The following RALYL variants were observed in gnomAD, a reference collection of about 807,000 sequenced individuals.
RALYL encodes the protein RNA-binding Raly-like protein.
In RALYL, 29 loss-of-function variants were observed where a neutral mutation model predicts 35.1. The ratio of observed to expected loss-of-function variants is 0.83; its 90% CI spans 0.61 to 1.13. The LOEUF is 1.13. Ranked by LOEUF, RALYL falls within the 50% of genes most tolerant of loss-of-function variation. RALYL has a pLI of 0.00. For missense variants in RALYL, 359 were observed against 360.4 expected (o/e 1.00, Z 0.03); for synonymous variants, 120 against 127.6 (o/e 0.94, Z 0.40).
intron 2 of RALYL, among the ~76,000 whole-genome samples, chr8:84,622,586 A>G (rs978335751): frequency 6.6e-6 from 1 of 152,174 alleles, no homozygotes; most frequent in Non-Finnish European, 1.5e-5. Context: ...AACGCTCCAC[A>G]GAGTCGAGGG....
intron 1 of RALYL, among the ~76,000 whole-genome samples, chr8:84,343,946 T>C (rs1283660300): frequency 6.6e-6 from 1 of 151,900 alleles, no homozygotes; most frequent in Non-Finnish European, 1.5e-5. Context: ...AGTTTAAAGA[T>C]AACTGGATAT....
chr8:84,606,916 T>A (rs539829464), intron 2 of RALYL, among the ~76,000 whole-genome samples: 1 of 152,256 alleles, frequency 6.6e-6, no homozygotes, highest in East Asian at 1.9e-4. Flanking sequence ...TCAACTGTAT[T>A]AACAACTTAA....
chr8:84,185,489 C>G (rs1415234552), intron 1 of RALYL, among the ~76,000 whole-genome samples: 3 of 152,124 alleles, frequency 2.0e-5, no homozygotes, highest in Admixed American at 6.5e-5. Flanking sequence ...CAGAGACGTA[C>G]CAGTTGGCAA....
Position 84,292,673 on chromosome 8 carries a change from C to T in RALYL, c.-24+108249C>T, listed in dbSNP as rs186160193. 4.6e-5 allele frequency among the ~76,000 whole-genome samples: 7 copies of T among 152,260 alleles called. No homozygotes were observed. In the East Asian group the frequency reaches 1.4e-3, roughly 29 times the overall value. On this transcript the variant is annotated intron_variant, in intron 1 of 8. Coordinates refer to ENST00000521268, the MANE Select transcript of RALYL (RefSeq NM_173848.7). ...ACCGCTGGTCATCCTCACTGCTACA[C>T]TCTCACCAGCGCCATGACAGTTTAC...
intron 1 of RALYL, among the ~76,000 whole-genome samples, chr8:84,336,200 AT>A (rs1464754982): frequency 6.6e-6 from 1 of 151,912 alleles, no homozygotes; most frequent in South Asian, 2.1e-4. Context: ...TGAGCAACTG[AT>A]TTTTTTTAAC....
chr8:84,445,395 G>A (rs1447505815), intron 1 of RALYL, among the ~76,000 whole-genome samples: 1 of 151,872 alleles, frequency 6.6e-6, no homozygotes, highest in East Asian at 1.9e-4. Context: ...AGTGAATTTA[G>A]AAGGATATCT....
intron 8 of RALYL, among the ~76,000 whole-genome samples, chr8:84,917,821 GT>G (rs1373802003): frequency 2.0e-5 from 3 of 152,000 alleles, no homozygotes; most frequent in Non-Finnish European, 4.4e-5. Flanking sequence ...GTTCCTAAGA[GT>G]TTATTAACAG....
chr8:84,798,175 G>A (rs6987270), intron 3 of RALYL, among the ~76,000 whole-genome samples: 109,339 of 151,372 alleles, frequency 0.72, 39,936 homozygotes, highest in East Asian at 0.87. Flanking sequence ...TCTATTTCCA[G>A]CCCAAATGTC....
intron 4 of RALYL, among the ~76,000 whole-genome samples, chr8:84,839,533 C>T (rs1203427503): frequency 2.0e-5 from 3 of 152,236 alleles, no homozygotes; most frequent in Non-Finnish European, 2.9e-5. Context: ...GTAGACTCCA[C>T]CTCTGAGGGC....
chr8:84,213,792 G>C (rs1820121734), intron 1 of RALYL, among the ~76,000 whole-genome samples: 1 of 152,144 alleles, frequency 6.6e-6, no homozygotes, highest in Non-Finnish European at 1.5e-5. Context: ...AAGAATATAT[G>C]TTCGAATGCT....
chr8:84,887,710 T>A lies in RALYL; in HGVS notation c.792T>A (p.Asp264Glu). ...STEEPAEGGP[D>E]ADGEEMTDGI... The stretch of plus-strand genomic sequence containing the variant: ...AGGAGCCTGCTGAAGGAGGGCCAGA[T>A]GCCGATGGAGAAGAGATGACAGATG... Residue 264 changes from aspartate (D) to glutamate (E), a missense_variant, in exon 8 of 9, where the codon GAT (aspartate) becomes GAA (glutamate). Transcript: ENST00000521268. The A allele has an allele frequency of 2.5e-6, 4 of 1,613,902 alleles. No individual in the cohort carries two copies. The South Asian group carries it at 4.4e-5, about 18-fold the overall frequency.
At chr8:84,218,438 T>A (rs887261411) in intron 1 of RALYL, among the ~76,000 whole-genome samples, 29 of 152,206 alleles carry the variant, frequency 1.9e-4, no homozygotes, top group African/African-American at 6.5e-4. Context: ...GTGACATGCC[T>A]TCAATTGCAA....
chr8:84,579,387 A>T (rs1286670290), intron 2 of RALYL, among the ~76,000 whole-genome samples: 1 of 152,164 alleles, frequency 6.6e-6, no homozygotes, highest in East Asian at 1.9e-4. Context: ...TCCCTGGTCC[A>T]GAGTCATGGC....
intron 1 of RALYL, among the ~76,000 whole-genome samples, chr8:84,427,121 A>G (rs1268795683): frequency 6.6e-6 from 1 of 152,236 alleles, no homozygotes; most frequent in African/African-American, 2.4e-5. Context: ...TTCTAAGACA[A>G]AATTTAAAGG....
intron 1 of RALYL, among the ~76,000 whole-genome samples, chr8:84,376,859 C>A (rs1370404557): frequency 6.6e-6 from 1 of 151,802 alleles, no homozygotes; most frequent in Non-Finnish European, 1.5e-5. Context: ...AAGGAGAGAA[C>A]TTGTAACAAA....
intron 2 of RALYL, among the ~76,000 whole-genome samples, chr8:84,720,864 C>T (rs539411399): frequency 2.6e-5 from 4 of 151,830 alleles, no homozygotes; most frequent in African/African-American, 4.8e-5. Flanking sequence ...GACATACAAA[C>T]GGATAGCAGA....
rs1384490656 is a variant in RALYL, at chr8:84,621,008, A to G, written c.256+91431A>G. Among the ~76,000 whole-genome samples the G allele has an allele frequency of 6.6e-5, 10 of 152,300 alleles. No individual in the cohort carries two copies. In the East Asian group the frequency reaches 1.9e-3, roughly 30 times the overall value. The stretch of plus-strand genomic sequence containing the variant: ...ACTGCTCTCTTCAAAGCTGTCAGAC[A>G]GGGACATTTAAGTCTGCAGAGGTTA... On this transcript the variant is annotated intron_variant, in intron 2 of 8. Coordinates refer to ENST00000521268, the MANE Select transcript of RALYL (RefSeq NM_173848.7).
At chr8:84,727,240 T>A (rs1198848240) in intron 2 of RALYL, among the ~76,000 whole-genome samples, 3 of 151,334 alleles carry the variant, frequency 2.0e-5, no homozygotes, top group Non-Finnish European at 4.4e-5. Context: ...TCTCTTAAGA[T>A]GTATGAGACA....
At chr8:84,813,603 G>A (rs1035737944) in intron 4 of RALYL, among the ~76,000 whole-genome samples, 12 of 152,176 alleles carry the variant, frequency 7.9e-5, no homozygotes, top group African/African-American at 2.9e-4. Flanking sequence ...ATAAAAATGT[G>A]TGAATTATAT....
Sources: gnomAD v4.1 joint callset for allele counts (sites outside exome capture counted in the v4.1 genomes callset) on GRCh38, gnomAD v4.1.1 for gene constraint, MANE v1.5 for transcripts, NCBI Gene and HGNC (gene_info 2026-07-23, HGNC 2026-07-21) for gene names.